Variants in CSTF3 observed in about 807,000 individuals in gnomAD.
CSTF3 encodes the protein cleavage stimulation factor subunit 3.
Under a neutral mutation model 105.8 loss-of-function variants are expected in CSTF3, and 29 were observed. The observed-to-expected ratio is 0.27, with a 90% confidence interval of 0.20 to 0.37. The LOEUF is 0.37. Among genes scored for constraint, CSTF3 ranks in the 10% least tolerant of loss-of-function variants. The probability of loss-of-function intolerance (pLI) is 1.00; values close to 1 mark genes in which losing one functional copy is unlikely to be tolerated. For missense variants in CSTF3, 357 were observed against 879.3 expected, an observed-to-expected ratio of 0.41 and a Z score of 7.51; for synonymous variants, 252 against 281.9, an observed-to-expected ratio of 0.89 and a Z score of 1.06.
intron 3 of CSTF3, among the ~76,000 whole-genome samples, chr11:33,128,412 T>C (rs182825629): frequency 2.6e-4 from 39 of 152,086 alleles, no homozygotes; most frequent in Admixed American, 8.5e-4. Context: ...TTTTTGAGAA[T>C]TGAACAGGAA....
intron 3 of CSTF3, among the ~76,000 whole-genome samples, chr11:33,116,089 G>C (rs530583030): frequency 6.6e-6 from 1 of 152,286 alleles, no homozygotes; most frequent in Non-Finnish European, 1.5e-5. Context: ...CCACTGTGAA[G>C]TATAGTTTAA....
chr11:33,117,253 TTGACA>T (rs1041160039), intron 3 of CSTF3, among the ~76,000 whole-genome samples: 4 of 151,892 alleles, frequency 2.6e-5, no homozygotes, highest in African/African-American at 9.7e-5. Flanking sequence ...CCCAGAGTAC[TTGACA>T]TAAGAAAAAC....
chr11:33,093,100 A>G (rs1855185541), intron 15 of CSTF3, among the ~76,000 whole-genome samples: 1 of 152,210 alleles, frequency 6.6e-6, no homozygotes, highest in Admixed American at 6.5e-5. Flanking sequence ...TGTTCAAAAG[A>G]AAAATTAACC....
At chr11:33,104,454 C>T (rs1294576357) in intron 8 of CSTF3, among the ~76,000 whole-genome samples, 2 of 152,178 alleles carry the variant, frequency 1.3e-5, no homozygotes, top group Non-Finnish European at 2.9e-5. Flanking sequence ...CTTCTCACTA[C>T]ACACTACATT....
intron 3 of CSTF3, among the ~76,000 whole-genome samples, chr11:33,117,441 CTAAA>C (rs1224648936): frequency 6.6e-6 from 1 of 151,936 alleles, no homozygotes; most frequent in Non-Finnish European, 1.5e-5. Flanking sequence ...TTTAAAATGA[CTAAA>C]TACTGCTAAT....
At chr11:33,128,299 T>G (rs570892227) in intron 3 of CSTF3, among the ~76,000 whole-genome samples, 1 of 152,248 alleles carries the variant, frequency 6.6e-6, no homozygotes, top group South Asian at 2.1e-4. Context: ...AAGGGAAAAT[T>G]TTATGGCTTC....
intron 1 of CSTF3, among the ~76,000 whole-genome samples, chr11:33,145,863 C>T (rs1855775544): frequency 6.6e-6 from 1 of 151,784 alleles, no homozygotes; most frequent in African/African-American, 2.4e-5. Context: ...AAACAAAGAT[C>T]CAACATTTTA....
At chr11:33,128,445 T>C (rs985589995) in intron 3 of CSTF3, among the ~76,000 whole-genome samples, 1 of 152,108 alleles carries the variant, frequency 6.6e-6, no homozygotes, top group African/African-American at 2.4e-5. Flanking sequence ...ATTTAACTTA[T>C]AAATTTATGT....
chr11:33,103,580 C>G (rs1456811813), intron 8 of CSTF3, among the ~76,000 whole-genome samples: 1 of 152,052 alleles, frequency 6.6e-6, no homozygotes, highest in East Asian at 1.9e-4. Flanking sequence ...CCAGCCTGGC[C>G]AACATGGTGA....
chr11:33,131,435 AT>A (rs2133792705), intron 3 of CSTF3, among the ~76,000 whole-genome samples: 1 of 152,334 alleles, frequency 6.6e-6, no homozygotes, highest in African/African-American at 2.4e-5. Context: ...CCTACTATAT[AT>A]TAATAGCTAT....
chr11:33,116,409 A>T (rs1855431546), intron 3 of CSTF3, among the ~76,000 whole-genome samples: 1 of 152,176 alleles, frequency 6.6e-6, no homozygotes, highest in Non-Finnish European at 1.5e-5. Context: ...TTCAGAGGAA[A>T]AGGTGTTCCA....
chr11:33,090,393 T>G, intron 17 of CSTF3, 139 bp downstream of exon 17: 1 of 495,470 alleles, frequency 2.0e-6, no homozygotes, highest in Non-Finnish European at 3.3e-6. Context: ...AGGAAAATCT[T>G]TGAACTTTTT....
intron 1 of CSTF3, among the ~76,000 whole-genome samples, chr11:33,146,690 T>C (rs934220380): frequency 4.0e-5 from 6 of 151,112 alleles, no homozygotes; most frequent in African/African-American, 1.2e-4. Flanking sequence ...CAGGGAGACA[T>C]GCAAACAACA....
chr11:33,150,546 A>G (rs1855846795), intron 1 of CSTF3, among the ~76,000 whole-genome samples: 1 of 152,198 alleles, frequency 6.6e-6, no homozygotes, highest in Non-Finnish European at 1.5e-5. Context: ...ACAACCATGT[A>G]CAACTGGCTA....
Position 33,141,962 on chromosome 11 carries a change from C to T in CSTF3, c.52G>A (p.Val18Met). Residue 18 changes from valine (V) to methionine (M), a missense_variant, in exon 2 of 21, where the codon GTG becomes ATG. This residue lies in a region of CSTF3 where 78 missense variants were observed against 180.4 expected (regional missense o/e 0.43). Coordinates refer to ENST00000323959, the MANE Select transcript of CSTF3 (RefSeq NM_001326.3). ...EQAAEYVPEK[V>M]KKAEKKLEEN... ...TCTAATTTCTTTTCCGCTTTCTTCA[C>T]CTTCTCTGGGACATACTCAGCTGCC... The T allele has an allele frequency of 6.2e-7, 1 of 1,612,908 alleles. No homozygotes were observed. Among genetic ancestry groups the T allele is most frequent in the Non-Finnish European group, 8.5e-7 (1 of 1,179,620 alleles).
chr11:33,099,200 G>A lies in CSTF3; in HGVS notation c.937-50C>T. On this transcript the variant is annotated intron_variant, in intron 11 of 20. Coordinates refer to ENST00000323959, the MANE Select transcript of CSTF3 (RefSeq NM_001326.3). This position sits in a 1 kb window ranked among gnomAD's most constrained non-coding sequence, Gnocchi z 4.1. ...TCTTCAATAATTTTAATATAGTTGTGAGAGAATAAAATTAATAAAGTTACA... is the reference window on the plus strand; with the variant it reads ...TCTTCAATAATTTTAATATAGTTGTAAGAGAATAAAATTAATAAAGTTACA... 6.5e-7 allele frequency: 1 copy of A among 1,550,040 alleles called. No homozygotes were observed. The highest frequency in any genetic ancestry group is 8.6e-7 in the Non-Finnish European group (1 of 1,156,754).
chr11:33,085,171 A>G lies in CSTF3; in HGVS notation c.2070T>C (p.Asp690=). The G allele has an allele frequency of 6.2e-7, 1 of 1,614,094 alleles. No homozygotes were observed. Among genetic ancestry groups the G allele is most frequent in the Non-Finnish European group, 8.5e-7 (1 of 1,180,002 alleles). The change falls in exon 21 of 21, where the codon GAT becomes GAC. Residue 690 remains aspartate, a synonymous_variant. Transcript: ENST00000323959. ...LTKAVKRPNE[D]SDEDEEKGAV... is the part of the protein sequence containing the mutation. ...CTCCCTTTTCTTCATCTTCATCTGAATCCTCGTTGGGCCTTTTGACGGCCT... is the reference window on the plus strand; with the variant it reads ...CTCCCTTTTCTTCATCTTCATCTGAGTCCTCGTTGGGCCTTTTGACGGCCT...
chr11:33,105,982 A>G lies in CSTF3; in HGVS notation c.423+16T>C, dbSNP rs1340274990. The stretch of plus-strand genomic sequence containing the variant: ...TCTTACATTTAAGTGCATACATTAA[A>G]AAGTTTTAACTCTACCTGATAGGAC... On this transcript the variant is annotated intron_variant, in intron 6 of 20. Coordinates refer to ENST00000323959, the MANE Select transcript of CSTF3 (RefSeq NM_001326.3). The G allele has an allele frequency of 2.5e-6, 4 of 1,599,464 alleles. No individual in the cohort carries two copies. The highest frequency in any genetic ancestry group is 3.4e-6 in the Non-Finnish European group (4 of 1,168,912).
At chr11:33,131,629 G>A (rs891626906) in intron 3 of CSTF3, among the ~76,000 whole-genome samples, 2 of 151,972 alleles carry the variant, frequency 1.3e-5, no homozygotes, top group African/African-American at 4.8e-5. Context: ...GGCGGATCAC[G>A]AGGTCAGGAG....
Sources: gnomAD v4.1 joint callset for allele counts (sites outside exome capture counted in the v4.1 genomes callset) on GRCh38, gnomAD v4.1.1 for gene constraint, gnomAD v4.1.1 regional missense constraint, Gnocchi (gnomAD v3.1) non-coding constraint, MANE v1.5 for transcripts, NCBI Gene and HGNC (gene_info 2026-07-23, HGNC 2026-07-21) for gene names.